Variants in LPP observed in about 807,000 individuals in gnomAD.
LPP encodes the protein LIM domain containing preferred translocation partner in lipoma.
LPP carries 38 observed loss-of-function variants against 60.4 expected under a neutral mutation model. That is an observed-to-expected ratio of 0.63 (90% CI 0.49 to 0.83). LPP has a LOEUF of 0.83. Among genes scored for constraint, LPP ranks in the 40% least tolerant of loss-of-function variants. LPP has a pLI of 0.00. For missense variants in LPP, 902 were observed against 783.6 expected, an observed-to-expected ratio of 1.15 and a Z score of -1.80; for synonymous variants, 328 against 290.8, an observed-to-expected ratio of 1.13 and a Z score of -1.30.
At chr3:188,495,939 C>G (rs138981817) in intron 5 of LPP, among the ~76,000 whole-genome samples, 5 of 152,236 alleles carry the variant, frequency 3.3e-5, no homozygotes, top group African/African-American at 1.2e-4. Flanking sequence ...CTGTTCATAG[C>G]TGATTTCACT....
chr3:188,597,775 A>C (rs1031712519), intron 6 of LPP, among the ~76,000 whole-genome samples: 1 of 152,168 alleles, frequency 6.6e-6, no homozygotes, highest in Non-Finnish European at 1.5e-5. Context: ...TTTGCCAATA[A>C]TACATTATTG....
intron 1 of LPP, among the ~76,000 whole-genome samples, chr3:188,201,623 C>T (rs1255698517): frequency 1.3e-5 from 2 of 152,100 alleles, no homozygotes; most frequent in Non-Finnish European, 2.9e-5. Context: ...AGGAGAGTGG[C>T]CTGAACCCAA....
chr3:188,207,474 C>T (rs557082936), intron 1 of LPP, among the ~76,000 whole-genome samples: 83 of 152,006 alleles, frequency 5.5e-4, no homozygotes, highest in African/African-American at 1.9e-3. Flanking sequence ...TCAGGTGATC[C>T]GCCTGCCTCG....
chr3:188,177,665 A>T (rs1050654324), intron 1 of LPP, among the ~76,000 whole-genome samples: 2 of 152,236 alleles, frequency 1.3e-5, no homozygotes, highest in South Asian at 2.1e-4. Flanking sequence ...TAATGATGGT[A>T]ATTATGCTGA....
chr3:188,513,399 A>T (rs1334437133), intron 5 of LPP, among the ~76,000 whole-genome samples: 1 of 152,176 alleles, frequency 6.6e-6, no homozygotes, highest in Non-Finnish European at 1.5e-5. Context: ...CTCTGTCTGT[A>T]TATGTTTCAT....
intron 7 of LPP, among the ~76,000 whole-genome samples, chr3:188,699,249 G>A (rs531043994): frequency 6.6e-6 from 1 of 152,276 alleles, no homozygotes; most frequent in African/African-American, 2.4e-5. Flanking sequence ...TTGACACGTG[G>A]AGACGGAGAG....
intron 4 of LPP, among the ~76,000 whole-genome samples, chr3:188,460,190 T>C (rs1798677698): frequency 6.6e-6 from 1 of 152,184 alleles, no homozygotes; most frequent in Non-Finnish European, 1.5e-5. Context: ...ACTTTCCTGT[T>C]TTTGAGTCTG....
At chr3:188,665,011 G>A (rs2149169096) in intron 7 of LPP, among the ~76,000 whole-genome samples, 1 of 152,236 alleles carries the variant, frequency 6.6e-6, no homozygotes, top group South Asian at 2.1e-4. Context: ...GCCCTCTAGA[G>A]GGATCCATTT....
At chr3:188,744,470 G>A (rs766653795) in intron 8 of LPP, among the ~76,000 whole-genome samples, 14 of 152,114 alleles carry the variant, frequency 9.2e-5, no homozygotes, top group Non-Finnish European at 1.8e-4. Context: ...AATGAAAAGA[G>A]CATATTCTTT....
At chr3:188,653,361 A>AT (rs1376828307) in intron 7 of LPP, among the ~76,000 whole-genome samples, 1 of 152,164 alleles carries the variant, frequency 6.6e-6, no homozygotes, top group Non-Finnish European at 1.5e-5. Context: ...TGAACTTGTC[A>AT]TACCATGTTT....
intron 9 of LPP, among the ~76,000 whole-genome samples, chr3:188,850,649 T>C (rs1317312987): frequency 6.6e-6 from 1 of 152,092 alleles, no homozygotes; most frequent in Non-Finnish European, 1.5e-5. Flanking sequence ...AAAACAAGAC[T>C]GGTAGAGAAG....
chr3:188,579,434 T>G (rs1224944825), intron 6 of LPP, among the ~76,000 whole-genome samples: 1 of 152,240 alleles, frequency 6.6e-6, no homozygotes, highest in Non-Finnish European at 1.5e-5. Flanking sequence ...GGGTGTCATA[T>G]TAAGGTCTTA....
chr3:188,827,613 G>A (rs1019115093), intron 9 of LPP, among the ~76,000 whole-genome samples: 1 of 152,146 alleles, frequency 6.6e-6, no homozygotes, highest in Non-Finnish European at 1.5e-5. Context: ...TCCACAACAG[G>A]GAGTGGAACA....
rs1328692853 is a variant in LPP at position 188,577,872 on chromosome 3, C to T, written c.430-31289C>T. Among the ~76,000 whole-genome samples the T allele has an allele frequency of 1.3e-4, 18 of 138,708 alleles. No individual in the cohort carries two copies. In the East Asian group the frequency reaches 4.2e-3, roughly 33 times the overall value. The allele number at this position is 138,708 out of a possible 152,430, so 91.0% of individuals were successfully genotyped here. On this transcript the variant is annotated intron_variant, in intron 6 of 11. Coordinates refer to ENST00000617246, the MANE Select transcript of LPP (RefSeq NM_001375462.1). ...TTCTCTCTCTCTCTTTTCCTCTCCC[C>T]CTTCTGTCTTCCTCTCCCCACCTCC...
intron 1 of LPP, among the ~76,000 whole-genome samples, chr3:188,186,014 T>G (rs2148950732): frequency 6.6e-6 from 1 of 152,062 alleles, no homozygotes; most frequent in Admixed American, 6.5e-5. Context: ...AGGAAAGGAG[T>G]GTCAGGCCTG....
intron 9 of LPP, among the ~76,000 whole-genome samples, chr3:188,848,157 T>C (rs1466035468): frequency 2.6e-5 from 4 of 152,234 alleles, no homozygotes; most frequent in African/African-American, 9.6e-5. Flanking sequence ...ACAATAGTCA[T>C]TTGAGATTTA....
At chr3:188,160,257 C>G (rs572427988) in intron 1 of LPP, among the ~76,000 whole-genome samples, 48 of 151,890 alleles carry the variant, frequency 3.2e-4, no homozygotes, top group African/African-American at 1.1e-3. Flanking sequence ...TGCAATGGCC[C>G]GATCTCGGCT....
At chr3:188,295,323 C>T (rs919429863) in intron 2 of LPP, among the ~76,000 whole-genome samples, 25 of 152,166 alleles carry the variant, frequency 1.6e-4, no homozygotes, top group Non-Finnish European at 2.5e-4. Context: ...TAGAAAGCTT[C>T]CAGCTATATT....
At chr3:188,874,127 G>A (rs1768908022) in intron 11 of LPP, among the ~76,000 whole-genome samples, 1 of 151,976 alleles carries the variant, frequency 6.6e-6, no homozygotes. Flanking sequence ...TTATATTTAT[G>A]TCCATTTATA....
Sources: gnomAD v4.1 joint callset for allele counts (sites outside exome capture counted in the v4.1 genomes callset) on GRCh38, gnomAD v4.1.1 for gene constraint, MANE v1.5 for transcripts, NCBI Gene and HGNC (gene_info 2026-07-23, HGNC 2026-07-21) for gene names.